CYP2C19: variants seen among roughly 807,000 people sequenced by gnomAD.
The protein encoded by CYP2C19 is cytochrome P450 family 2 subfamily C member 19.
Under a neutral mutation model 40.9 loss-of-function variants are expected in CYP2C19, and 59 were observed. The observed-to-expected ratio is 1.44, with a 90% CI of 1.17 to 1.79. The LOEUF is 1.79. Among genes scored for constraint, CYP2C19 ranks in the 40% most tolerant of loss-of-function variants. CYP2C19 has a pLI of 0.00. For missense variants in CYP2C19, 754 were observed against 596.9 expected (o/e 1.26, Z -2.74); for synonymous variants, 253 against 208.7 (o/e 1.21, Z -1.83).
At chr10:94,831,614 A>G (rs980682683) in intron 6 of CYP2C19, among the ~76,000 whole-genome samples, 1 of 152,148 alleles carries the variant, frequency 6.6e-6, no homozygotes, top group Non-Finnish European at 1.5e-5. Flanking sequence ...GTGAGGTGAC[A>G]TCTCATTGTA....
intron 6 of CYP2C19, among the ~76,000 whole-genome samples, chr10:94,837,185 T>C (rs1849417601): frequency 6.6e-6 from 1 of 152,142 alleles, no homozygotes; most frequent in Non-Finnish European, 1.5e-5. Flanking sequence ...TTCACTAACC[T>C]CCACTGTCCA....
intron 5 of CYP2C19, among the ~76,000 whole-genome samples, chr10:94,801,966 C>T (rs116334396): frequency 1.8e-4 from 27 of 152,214 alleles, no homozygotes; most frequent in East Asian, 3.9e-4. Flanking sequence ...TTGTGGAGAG[C>T]GAAAGAACAA....
At chr10:94,804,175 G>T (rs1486336758) in intron 5 of CYP2C19, among the ~76,000 whole-genome samples, 1 of 152,106 alleles carries the variant, frequency 6.6e-6, no homozygotes, top group Non-Finnish European at 1.5e-5. Flanking sequence ...TAGGGGAAAG[G>T]CTGAGGCACC....
intron 5 of CYP2C19, among the ~76,000 whole-genome samples, chr10:94,818,834 A>G (rs1849060038): frequency 6.6e-6 from 1 of 151,780 alleles, no homozygotes; most frequent in Non-Finnish European, 1.5e-5. Flanking sequence ...TGTCGTCTGC[A>G]AACAGGGACA....
chr10:94,778,965 G>C (rs1848447116), intron 3 of CYP2C19, among the ~76,000 whole-genome samples: 1 of 152,124 alleles, frequency 6.6e-6, no homozygotes, highest in Non-Finnish European at 1.5e-5. Flanking sequence ...CCTTTGCAGG[G>C]ACATGGATGA....
intron 5 of CYP2C19, among the ~76,000 whole-genome samples, chr10:94,798,814 A>AT (rs61240923): frequency 0.25 from 17,070 of 67,506 alleles, 2,683 homozygotes; most frequent in Middle Eastern, 0.34. Flanking sequence ...GCAACCCCTG[A>AT]TTTTTTTTTT....
rs970812730 is a variant in CYP2C19 at position 94,797,622 on chromosome 10, C to CT, written c.819+15634dup. On this transcript the variant is annotated intron_variant, in intron 5 of 8. Coordinates refer to ENST00000371321, the MANE Select transcript of CYP2C19 (RefSeq NM_000769.4). ...AGCTGTGAATCCTTCTGGTCCTGAA[C>CT]TTTTTTTTTGGTTGGTAGGCTATTA... Among the ~76,000 whole-genome samples the CT allele has an allele frequency of 1.3e-4, 20 of 151,194 alleles. No individual in the cohort carries two copies. In the East Asian group the frequency reaches 1.5e-3, roughly 12 times the overall value.
chr10:94,821,688 C>A (rs1849124284), intron 6 of CYP2C19, among the ~76,000 whole-genome samples: 1 of 151,968 alleles, frequency 6.6e-6, no homozygotes, highest in Non-Finnish European at 1.5e-5. Flanking sequence ...ATTCTTTTTT[C>A]CCCTGTGTCA....
chr10:94,793,678 AT>A (rs1848641612), intron 5 of CYP2C19, among the ~76,000 whole-genome samples: 1 of 152,094 alleles, frequency 6.6e-6, no homozygotes, highest in Non-Finnish European at 1.5e-5. Context: ...AACAGCAAAT[AT>A]TGCAGAACAG....
chr10:94,802,035 G>T lies in CYP2C19; in HGVS notation c.820-18461G>T, dbSNP rs142725728. ...TTGCTTCTGCTGGCTGAGGTGGCCA[G>T]CTTTTATTCCCTTATTTGTCCCCAC... On this transcript the variant is annotated intron_variant, in intron 5 of 8. Transcript: ENST00000371321. Among the ~76,000 whole-genome samples the T allele has an allele frequency of 3.1e-3, 472 of 152,250 alleles. 3 individuals carry two copies. The highest frequency in any genetic ancestry group is 0.011 in the African/African-American group (449 of 41,544).
At chr10:94,852,360 C>A (rs544288482) in intron 8 of CYP2C19, among the ~76,000 whole-genome samples, 86 of 152,306 alleles carry the variant, frequency 5.6e-4, no homozygotes, top group African/African-American at 2.0e-3. Flanking sequence ...CTCCCCTAAG[C>A]CCTTCTCAGT....
chr10:94,813,635 C>A (rs961883956), intron 5 of CYP2C19, among the ~76,000 whole-genome samples: 3 of 151,868 alleles, frequency 2.0e-5, no homozygotes, highest in Non-Finnish European at 2.9e-5. Flanking sequence ...CCTCAACACC[C>A]CCCCCAAGCT....
intron 6 of CYP2C19, among the ~76,000 whole-genome samples, chr10:94,836,956 G>A (rs981433674): frequency 6.6e-6 from 1 of 152,138 alleles, no homozygotes; most frequent in Admixed American, 6.5e-5. Flanking sequence ...TGAACCCTTG[G>A]GGTAAAACAG....
At chr10:94,820,156 T>C (rs55907963) in intron 5 of CYP2C19, among the ~76,000 whole-genome samples, 192 of 152,064 alleles carry the variant, frequency 1.3e-3, no homozygotes, top group Non-Finnish European at 2.1e-3. Flanking sequence ...ATTATCTCAA[T>C]AGATGCAGAA....
chr10:94,825,366 G>T (rs1391733955), intron 6 of CYP2C19, among the ~76,000 whole-genome samples: 1 of 148,574 alleles, frequency 6.7e-6, no homozygotes, highest in African/African-American at 2.5e-5. Context: ...GTGTGAGATG[G>T]TATCTCATTG....
chr10:94,808,383 T>A (rs1273094152), intron 5 of CYP2C19, among the ~76,000 whole-genome samples: 2 of 152,312 alleles, frequency 1.3e-5, no homozygotes, highest in South Asian at 2.1e-4. Context: ...AATCACATTA[T>A]GGAAGATGGT....
At chr10:94,809,440 T>C (rs1848882275) in intron 5 of CYP2C19, among the ~76,000 whole-genome samples, 1 of 152,188 alleles carries the variant, frequency 6.6e-6, no homozygotes, top group Non-Finnish European at 1.5e-5. Flanking sequence ...TTTAACGTGA[T>C]ATAATCCCAT....
At position 94,790,288 on chromosome 10, in the gene CYP2C19, C is replaced by T. The variant is rs141228950; in HGVS notation, c.819+8291C>T. Among the ~76,000 whole-genome samples the T allele has an allele frequency of 3.4e-3, 517 of 152,224 alleles. 2 individuals carry two copies. The highest frequency in any genetic ancestry group is 0.012 in the African/African-American group (501 of 41,580). On this transcript the variant is annotated intron_variant, in intron 5 of 8. Coordinates refer to ENST00000371321, the MANE Select transcript of CYP2C19 (RefSeq NM_000769.4). ...CCTAAATATAAAATCATGTCATCTA[C>T]AAACAGGAACAATTTGACTTCCTCT...
intron 5 of CYP2C19, among the ~76,000 whole-genome samples, chr10:94,807,154 C>G (rs902008921): frequency 1.3e-5 from 2 of 152,064 alleles, no homozygotes; most frequent in Non-Finnish European, 2.9e-5. Context: ...TCTTTCCATG[C>G]CAGGCTTATT....
Sources: allele counts gnomAD v4.1 joint callset (sites outside exome capture counted in the v4.1 genomes callset), GRCh38; gene constraint gnomAD v4.1.1; transcripts MANE v1.5; gene names NCBI Gene and HGNC (gene_info 2026-07-23, HGNC 2026-07-21).